CACNA1S: variants seen among roughly 807,000 people sequenced by gnomAD.
The protein encoded by CACNA1S is voltage-dependent L-type calcium channel subunit alpha-1S.
A neutral mutation model predicts 207.4 loss-of-function variants in CACNA1S; 126 were observed. That is an observed-to-expected ratio of 0.61 (90% CI 0.53 to 0.70). The LOEUF (loss-of-function observed/expected upper bound fraction) is 0.70, where lower values mean the gene tolerates loss of function less well. Ranked by LOEUF, CACNA1S falls within the 30% of genes least tolerant of loss-of-function variation. The probability of loss-of-function intolerance (pLI) is 0.00; values close to 1 mark genes in which losing one functional copy is unlikely to be tolerated. For missense variants in CACNA1S, 2,349 were observed against 2,422.8 expected (o/e 0.97, Z 0.64); for synonymous variants, 960 against 932.7 (o/e 1.03, Z -0.53).
chr1:201,106,265 C>A (rs1261142357), intron 2 of CACNA1S, among the ~76,000 whole-genome samples: 1 of 152,096 alleles, frequency 6.6e-6, no homozygotes, highest in Non-Finnish European at 1.5e-5. Context: ...GGCCCAGCCT[C>A]CCCTGTTTCC....
chr1:201,083,099 G>A, intron 10 of CACNA1S, 63 bp downstream of exon 10: 1 of 1,575,918 alleles, frequency 6.3e-7, no homozygotes, highest in Non-Finnish European at 8.7e-7. Context: ...GCCATTGGCT[G>A]ATTTTGACAT....
intron 12 of CACNA1S, 110 bp from the exon 13 acceptor site, chr1:201,075,725 TC>T (rs1661588971): frequency 3.3e-6 from 4 of 1,229,342 alleles, no homozygotes; most frequent in Non-Finnish European, 4.7e-6. Context: ...TCTCAGACCT[TC>T]CCTCTTTTCA....
intron 1 of CACNA1S, among the ~76,000 whole-genome samples, chr1:201,111,500 A>G (rs1447684940): frequency 6.6e-6 from 1 of 152,050 alleles, no homozygotes; most frequent in Admixed American, 6.5e-5. Context: ...CCAGGGTGGC[A>G]CGTCTGAGCT....
intron 19 of CACNA1S, among the ~76,000 whole-genome samples, chr1:201,068,650 A>G (rs1300290674): frequency 6.6e-6 from 1 of 151,856 alleles, no homozygotes; most frequent in Non-Finnish European, 1.5e-5. Flanking sequence ...AGGTGGGCGG[A>G]TCACAAGGTC....
At chr1:201,062,198 G>C in intron 23 of CACNA1S, 108 bp from the exon 24 acceptor site, 1 of 1,405,950 alleles carries the variant, frequency 7.1e-7, no homozygotes, top group Admixed American at 1.9e-5. Context: ...TGAAGTTCCA[G>C]ATCTGGGACC....
chr1:201,043,544 A>C lies in CACNA1S; in HGVS notation c.4798-13T>G, dbSNP rs1660366455. 1 of 1,613,536 alleles carries C rather than the reference A, an allele frequency of 6.2e-7. No homozygotes were observed. The highest frequency in any genetic ancestry group is 1.3e-5 in the African/African-American group (1 of 74,790). ...GGCCTCCAGTCCTCTAGGGGCAAGG[A>C]GAAGAGCAGTGACTGGGGGTGAGGG... is the stretch of plus-strand genomic sequence containing the variant. On this transcript the variant is annotated splice_polypyrimidine_tract_variant and intron_variant, in intron 39 of 43. Transcript: ENST00000362061.
chr1:201,041,705 GT>G, intron 40 of CACNA1S, 116 bp from the exon 41 acceptor site: 1 of 773,176 alleles, frequency 1.3e-6, no homozygotes. Context: ...CCAACCTAGT[GT>G]AGCAGCCGTG....
At chr1:201,077,177 G>A (rs766904949) in intron 11 of CACNA1S, 50 bp from the exon 12 acceptor site, 34 of 1,506,322 alleles carry the variant, frequency 2.3e-5, no homozygotes, top group Non-Finnish European at 3.0e-5. Context: ...CTCTCACTGG[G>A]GCCCACGAGG....
intron 19 of CACNA1S, among the ~76,000 whole-genome samples, chr1:201,068,222 G>A (rs558950266): frequency 4.9e-5 from 7 of 144,198 alleles, no homozygotes; most frequent in East Asian, 4.2e-4. Flanking sequence ...ACAGCTCCCC[G>A]GCTCTGCTCT....
chr1:201,108,276 A>G (rs764828301), intron 2 of CACNA1S, among the ~76,000 whole-genome samples: 4 of 151,996 alleles, frequency 2.6e-5, no homozygotes, highest in Non-Finnish European at 1.5e-5. Flanking sequence ...CCGCTAATTC[A>G]ATTTTTGTAG....
intron 2 of CACNA1S, among the ~76,000 whole-genome samples, chr1:201,109,635 G>A (rs1043533798): frequency 6.6e-6 from 1 of 152,156 alleles, no homozygotes; most frequent in Non-Finnish European, 1.5e-5. Flanking sequence ...GCATTTTATG[G>A]TTCCAGGTAT....
intron 19 of CACNA1S, among the ~76,000 whole-genome samples, chr1:201,067,403 G>A (rs557467758): frequency 1.3e-5 from 2 of 152,122 alleles, no homozygotes; most frequent in African/African-American, 4.8e-5. Context: ...CAGGACTCTA[G>A]GGGTCCTAGG....
At position 201,093,203 on chromosome 1, in the gene CACNA1S, G is replaced by C. The variant is rs74136314; in HGVS notation, c.398+679C>G. 9.6e-3 allele frequency among the ~76,000 whole-genome samples: 1,466 copies of C among 152,258 alleles called. 28 individuals carry two copies. Among genetic ancestry groups the C allele is most frequent in the African/African-American group, 0.033 (1,371 of 41,526 alleles). On this transcript the variant is annotated intron_variant, in intron 3 of 43. Coordinates refer to ENST00000362061, the MANE Select transcript of CACNA1S (RefSeq NM_000069.3). ...AGAATGTGGTTGTATTTGGAGACAG[G>C]GTCTTTAAAGAGGTGGTTAAGATGA...
chr1:201,112,111 G>C, intron 1 of CACNA1S, 77 bp downstream of exon 1: 1 of 1,468,502 alleles, frequency 6.8e-7, no homozygotes, highest in South Asian at 1.2e-5. Context: ...CCTGTAGGAA[G>C]TTTGTGCTCT....
intron 18 of CACNA1S, 56 bp from the exon 19 acceptor site, chr1:201,069,252 T>C: frequency 6.5e-7 from 1 of 1,531,618 alleles, no homozygotes; most frequent in Non-Finnish European, 9.0e-7. Context: ...GGCAACAGTA[T>C]CAGCAGCAGC....
chr1:201,078,770 TTC>T (rs894050099), intron 10 of CACNA1S, among the ~76,000 whole-genome samples: 1 of 152,064 alleles, frequency 6.6e-6, no homozygotes, highest in Admixed American at 6.6e-5. Context: ...GTGATTCTTT[TTC>T]TTTCCTATAT....
rs1432018035 is a variant in CACNA1S, at chr1:201,040,447, A to G, written c.5227-73T>C. On this transcript the variant is annotated intron_variant, in intron 42 of 43. Transcript: ENST00000362061. ...CCACCAATGAGCAAAATTCCAGATC[A>G]TCTGAGGGCAACTCAACCAAGATCC... 28 of 1,578,948 alleles carry G rather than the reference A, an allele frequency of 1.8e-5. No individual in the cohort carries two copies. In the Admixed American group the frequency reaches 2.9e-4, roughly 16 times the overall value.
At chr1:201,041,668 T>C in intron 40 of CACNA1S, 79 bp from the exon 41 acceptor site, 1 of 1,079,162 alleles carries the variant, frequency 9.3e-7, no homozygotes, top group Non-Finnish European at 1.4e-6. Flanking sequence ...GCCCCAAACA[T>C]CCTTTTCCCT....
rs1275230551 is a variant in CACNA1S, at chr1:201,053,374, G to A, written c.3795+85C>T. 7 of 1,611,908 alleles carry A rather than the reference G, an allele frequency of 4.3e-6. No homozygotes were observed. In the East Asian group the frequency reaches 1.6e-4, roughly 36 times the overall value. On this transcript the variant is annotated intron_variant, in intron 30 of 43. Transcript: ENST00000362061. The surrounding 1 kb of genome is among the most constrained non-coding windows in gnomAD (Gnocchi z 5.1). The stretch of plus-strand genomic sequence containing the variant: ...TCCCCAGGGCTCTGCCTTGCCCAGG[G>A]CTCCCCTGGGGCCCACCCTGGGCTG...
Sources: gnomAD v4.1 joint callset for allele counts (sites outside exome capture counted in the v4.1 genomes callset) on GRCh38, gnomAD v4.1.1 for gene constraint, Gnocchi (gnomAD v3.1) non-coding constraint, MANE v1.5 for transcripts, NCBI Gene and HGNC (gene_info 2026-07-23, HGNC 2026-07-21) for gene names.